The following ZNF814 variants were observed in gnomAD, a reference collection of about 807,000 sequenced individuals.
ZNF814 encodes zinc finger protein 814.
A neutral mutation model predicts 7.5 loss-of-function variants in ZNF814; 5 were observed. The observed-to-expected ratio is 0.67, with a 90% CI of 0.35 to 1.40. ZNF814 has a LOEUF of 1.40. Ranked by LOEUF, ZNF814 falls within the 40% of genes most tolerant of loss-of-function variation. The pLI, the probability that ZNF814 is intolerant of heterozygous loss-of-function variation, is 0.04. For missense variants in ZNF814, 962 were observed against 1,018.0 expected (o/e 0.94, Z 0.75); for synonymous variants, 315 against 340.7 (o/e 0.92, Z 0.83).
the ZNF814 span, among the ~76,000 whole-genome samples, chr19:57,898,727 G>A: frequency 2.0e-5 from 3 of 152,186 alleles, no homozygotes; most frequent in African/African-American, 7.2e-5. Flanking sequence ...TGGATGGCAA[G>A]GTCAAGAGAT....
Position 57,875,047 on chromosome 19 carries a change from G to C in ZNF814, c.343C>G (p.His115Asp), listed in dbSNP as rs748654982. 61 of 1,600,504 alleles carry C rather than the reference G, an allele frequency of 3.8e-5. No homozygotes were observed. Among genetic ancestry groups the C allele is most frequent in the Middle Eastern group, 1.7e-4 (1 of 6,024 alleles). ...LHVADHQGTH[H>D]KQKLHRCEAW... Reference sequence around the variant, plus strand: ...TCACACCTGTGCAGTTTCTGCTTGTGATGTGTTCCCTGATGATCTGCCACA... The same window carrying C: ...TCACACCTGTGCAGTTTCTGCTTGTCATGTGTTCCCTGATGATCTGCCACA... The change falls in exon 3 of 3, where the codon CAC (histidine) becomes GAC (aspartate). Residue 115 changes from histidine to aspartate, a missense_variant. Physicochemically the swap from His to Asp is moderately conservative, Grantham distance 81 (BLOSUM62 -1). Around this residue, in one of 7 missense-constraint regions of ZNF814, gnomAD observed 65 missense variants for 131.3 expected, o/e 0.50. Transcript: ENST00000435989.
At chr19:57,902,410 T>A in the ZNF814 span, among the ~76,000 whole-genome samples, 1 of 152,178 alleles carries the variant, frequency 6.6e-6, no homozygotes, top group Non-Finnish European at 1.5e-5. Flanking sequence ...GATGTTCCTA[T>A]TATATGGAGC....
chr19:57,899,860 C>T, the ZNF814 span, among the ~76,000 whole-genome samples: 1 of 152,144 alleles, frequency 6.6e-6, no homozygotes, highest in Non-Finnish European at 1.5e-5. Flanking sequence ...ACTAATAGGA[C>T]AAGCAAGGCT....
the ZNF814 span, among the ~76,000 whole-genome samples, chr19:57,902,015 A>C: frequency 6.6e-6 from 1 of 152,216 alleles, no homozygotes; most frequent in African/African-American, 2.4e-5. Flanking sequence ...CAATATGCCT[A>C]GGACCTGCTG....
chr19:57,896,004 A>T, the ZNF814 span, among the ~76,000 whole-genome samples: 1 of 152,206 alleles, frequency 6.6e-6, no homozygotes, highest in Non-Finnish European at 1.5e-5. The surrounding 1 kb of genome is among the most constrained non-coding windows in gnomAD (Gnocchi z 4.2). Flanking sequence ...TGTCAGGAAT[A>T]ACGCTCAAAA....
At chr19:57,889,157 A>G, upstream of ZNF814, 1 of 414,992 alleles carries the variant, frequency 2.4e-6, no homozygotes, top group East Asian at 3.5e-5. Flanking sequence ...TTTCTGGGTA[A>G]TGTAGTTCCC....
intron 1 of ZNF814, among the ~76,000 whole-genome samples, chr19:57,885,078 T>C (rs2071678733): frequency 6.6e-6 from 1 of 151,978 alleles, no homozygotes; most frequent in African/African-American, 2.4e-5. Flanking sequence ...TCCCAGCACT[T>C]TGGGAGGACG....
chr19:57,902,495 A>G, the ZNF814 span, among the ~76,000 whole-genome samples: 9 of 152,290 alleles, frequency 5.9e-5, no homozygotes, highest in South Asian at 8.3e-4. Flanking sequence ...GATTATGGAA[A>G]TTAGCTATGG....
intron 1 of ZNF814, among the ~76,000 whole-genome samples, chr19:57,888,050 G>A (rs1174233484): frequency 2.6e-5 from 4 of 152,340 alleles, no homozygotes; most frequent in South Asian, 2.1e-4. Flanking sequence ...CCTCGGGGCC[G>A]AGAGAATTTT....
rs566658242 is a variant in ZNF814 at position 57,874,736 on chromosome 19, T to C, written c.654A>G (p.Glu218=). The C allele has an allele frequency of 6.2e-7, 1 of 1,608,712 alleles. No individual in the cohort carries two copies. Among genetic ancestry groups the C allele is most frequent in the African/African-American group, 1.3e-5 (1 of 75,020 alleles). ...QCGGAHYSCG[E]SMKHFSTKHI... is the part of the protein sequence containing the mutation. ...GTTTGGTGCTAAAATGTTTCATGGATTCTCCACAGCTGTAGTGAGCTCCCC... is the reference window on the plus strand; with the variant it reads ...GTTTGGTGCTAAAATGTTTCATGGACTCTCCACAGCTGTAGTGAGCTCCCC... Residue 218 remains glutamate (E), a synonymous_variant, in exon 3 of 3, where the codon GAA becomes GAG. Coordinates refer to ENST00000435989, the MANE Select transcript of ZNF814 (RefSeq NM_001144989.2).
At position 57,870,495 on chromosome 19, in the gene ZNF814, C is replaced by T. The variant is rs896045435; in HGVS notation, c.*2327G>A. On this transcript the variant is annotated 3_prime_UTR_variant, in exon 3 of 3. Coordinates refer to ENST00000435989, the MANE Select transcript of ZNF814 (RefSeq NM_001144989.2). ...AGATCTCCCTTCTCCCTATCATCTT[C>T]CTCCTGTTAATGCAGGAATGACCTT... 6.6e-6 allele frequency: 1 copy of T among 152,184 alleles called. No homozygotes were observed. The highest frequency in any genetic ancestry group is 2.4e-5 in the African/African-American group (1 of 41,448). 9.4% of individuals were successfully genotyped at this position (152,184 alleles called of 1,614,324 possible). A position where few individuals can be genotyped will look rare whatever the true frequency, so the allele number is the denominator to read the frequency against.
At position 57,874,631 on chromosome 19, in the gene ZNF814, T is replaced by C. The variant is rs1028543148; in HGVS notation, c.759A>G (p.Lys253=). Reference sequence around the variant, plus strand: ...TCTGATGATTACTCAAGCTAGCATATTTGCTAAAGGACTTCCCACATTCAC... The same window carrying C: ...TCTGATGATTACTCAAGCTAGCATACTTGCTAAAGGACTTCCCACATTCAC... ...VCCECGKSFS[K]YASLSNHQRV... is the part of the protein sequence containing the mutation. The change falls in exon 3 of 3, where the codon AAA becomes AAG. Residue 253 remains lysine (K), a synonymous_variant. Coordinates refer to ENST00000435989, the MANE Select transcript of ZNF814 (RefSeq NM_001144989.2). The C allele has an allele frequency of 6.4e-7, 1 of 1,554,440 alleles. No individual in the cohort carries two copies. The highest frequency in any genetic ancestry group is 8.7e-7 in the Non-Finnish European group (1 of 1,148,238).
At chr19:57,877,505 T>G (rs562861746) in intron 1 of ZNF814, among the ~76,000 whole-genome samples, 14 of 152,226 alleles carry the variant, frequency 9.2e-5, no homozygotes, top group Admixed American at 9.2e-4. Flanking sequence ...TGTAGTGGCA[T>G]GATCTCGGCT....
At position 57,878,528 on chromosome 19, in the gene ZNF814, C is replaced by T. The variant is rs1236367159; in HGVS notation, c.37-1486G>A. 2.7e-5 allele frequency among the ~76,000 whole-genome samples: 4 copies of T among 149,022 alleles called. No individual in the cohort carries two copies. In the Admixed American group the frequency reaches 2.7e-4, roughly 10 times the overall value. ...AGGCTCGAGTGGGGTGGTGCAATCT[C>T]GGCTCACTGCAACCTCCGCCTCCTG... On this transcript the variant is annotated intron_variant, in intron 1 of 2. Transcript: ENST00000435989.
At chr19:57,899,851 C>T in the ZNF814 span, among the ~76,000 whole-genome samples, 1 of 152,136 alleles carries the variant, frequency 6.6e-6, no homozygotes, top group Non-Finnish European at 1.5e-5. Context: ...AATTGCTGTA[C>T]TAATAGGACA....
the ZNF814 span, among the ~76,000 whole-genome samples, chr19:57,900,940 G>C: frequency 7.1e-6 from 1 of 140,146 alleles, no homozygotes; most frequent in African/African-American, 2.7e-5. Context: ...TCCGCCTCCC[G>C]GGTTCACGCC....
rs145752975 is a variant in ZNF814, at chr19:57,884,601, G to A, written c.36+4166C>T. Among the ~76,000 whole-genome samples, 160 of 152,276 alleles carry A rather than the reference G, an allele frequency of 1.1e-3. 1 individual carries two copies. The highest frequency in any genetic ancestry group is 3.8e-3 in the African/African-American group (157 of 41,554). ...CTACAGCATTCCAGCCTGGGTGACA[G>A]AGCAAGATCCTGTCTCAAAAATACA... On this transcript the variant is annotated intron_variant, in intron 1 of 2. Coordinates refer to ENST00000435989, the MANE Select transcript of ZNF814 (RefSeq NM_001144989.2).
At position 57,874,238 on chromosome 19, in the gene ZNF814, T is replaced by C; in HGVS notation, c.1152A>G (p.Glu384=). 1 of 1,581,158 alleles carries C rather than the reference T, an allele frequency of 6.3e-7. No individual in the cohort carries two copies. Residue 384 remains glutamate (E), a synonymous_variant, in exon 3 of 3, where the codon GAA becomes GAG. Coordinates refer to ENST00000435989, the MANE Select transcript of ZNF814 (RefSeq NM_001144989.2). ...HTGKRPYECG[E]CGKSFSKYAS... ...CATATTTGCTAAACGATTTCCCACA[T>C]TCTCCACATTCATAAGGTCTTTTCC...
chr19:57,904,008 A>G, the ZNF814 span, among the ~76,000 whole-genome samples: 1 of 152,172 alleles, frequency 6.6e-6, no homozygotes, highest in Admixed American at 6.5e-5. Flanking sequence ...CCGCAGTACA[A>G]TCTAAACCCA....
Sources: gnomAD v4.1 joint callset for allele counts (sites outside exome capture counted in the v4.1 genomes callset) on GRCh38, gnomAD v4.1.1 for gene constraint, gnomAD v4.1.1 regional missense constraint, Gnocchi (gnomAD v3.1) non-coding constraint, MANE v1.5 for transcripts, NCBI Gene and HGNC (gene_info 2026-07-23, HGNC 2026-07-21) for gene names.